Variants in PRKG2 observed in about 807,000 individuals in gnomAD.
PRKG2 encodes the protein protein kinase cGMP-dependent 2.
Under a neutral mutation model 97.2 loss-of-function variants are expected in PRKG2, and 33 were observed. That is an observed-to-expected ratio of 0.34 (90% confidence interval 0.26 to 0.45). The LOEUF (loss-of-function observed/expected upper bound fraction) is 0.45. Ranked by LOEUF, PRKG2 falls within the 20% of genes least tolerant of loss-of-function variation. PRKG2 has a pLI of 1.00. For synonymous variants in PRKG2, 330 were observed against 321.8 expected, an observed-to-expected ratio of 1.03 and a Z score of -0.27; for missense variants, 638 against 900.0, an observed-to-expected ratio of 0.71 and a Z score of 3.73.
At chr4:81,210,076 T>C (rs561683358) in intron 1 of PRKG2, among the ~76,000 whole-genome samples, 1 of 152,064 alleles carries the variant, frequency 6.6e-6, no homozygotes, top group East Asian at 1.9e-4. Flanking sequence ...TTCACAAAAA[T>C]TAGCTTAAAA....
At chr4:81,147,423 T>C (rs1747962385) in intron 9 of PRKG2, among the ~76,000 whole-genome samples, 1 of 152,176 alleles carries the variant, frequency 6.6e-6, no homozygotes. Context: ...CATCCAAAGA[T>C]TACCTTTATC....
At chr4:81,207,032 A>G (rs1753718569) in intron 1 of PRKG2, among the ~76,000 whole-genome samples, 1 of 152,176 alleles carries the variant, frequency 6.6e-6, no homozygotes, top group African/African-American at 2.4e-5. Flanking sequence ...GTTTCTGTTG[A>G]CTTGGCAGCA....
intron 7 of PRKG2, 105 bp from the exon 8 acceptor site, chr4:81,152,159 AG>A (rs1322424032): frequency 2.2e-5 from 18 of 818,132 alleles, no homozygotes; most frequent in Non-Finnish European, 2.3e-5. Flanking sequence ...AACTTGGACA[AG>A]GAAAAAGACA....
At chr4:81,150,168 A>T (rs1449956379) in intron 8 of PRKG2, among the ~76,000 whole-genome samples, 1 of 152,172 alleles carries the variant, frequency 6.6e-6, no homozygotes, top group Non-Finnish European at 1.5e-5. Context: ...CACAGACATG[A>T]TCTTGATTGT....
At position 81,158,139 on chromosome 4, in the gene PRKG2, T is replaced by G. The variant is rs1363693940; in HGVS notation, c.913-4418A>C. On this transcript the variant is annotated intron_variant, in intron 6 of 18. Transcript: ENST00000264399. ...CAATTAGGAAAAGAGGAAGTCAAATTGTCCCTGTTTGCAGACGATATGATT... is the reference window on the plus strand; with the variant it reads ...CAATTAGGAAAAGAGGAAGTCAAATGGTCCCTGTTTGCAGACGATATGATT... Among the ~76,000 whole-genome samples the G allele has an allele frequency of 2.1e-5, 3 of 145,766 alleles. 1 individual carries two copies.
chr4:81,134,517 G>A (rs1438625291), intron 14 of PRKG2, among the ~76,000 whole-genome samples: 1 of 152,104 alleles, frequency 6.6e-6, no homozygotes, highest in African/African-American at 2.4e-5. Context: ...CCTCAGTTGT[G>A]ACTGTCCAGT....
intron 6 of PRKG2, among the ~76,000 whole-genome samples, chr4:81,160,142 T>C (rs938203875): frequency 6.6e-6 from 1 of 151,954 alleles, no homozygotes; most frequent in East Asian, 1.9e-4. Flanking sequence ...AATAAAAAGA[T>C]AATGTAAGAT....
At chr4:81,212,560 T>C (rs923931858) in intron 1 of PRKG2, among the ~76,000 whole-genome samples, 8 of 152,144 alleles carry the variant, frequency 5.3e-5, no homozygotes, top group East Asian at 1.9e-4. Flanking sequence ...ATTTGAGGGA[T>C]AGGACAGTGA....
At chr4:81,104,547 T>C (rs1173782764) in intron 16 of PRKG2, 115 bp from the exon 17 acceptor site, 3 of 459,882 alleles carry the variant, frequency 6.5e-6, no homozygotes, top group Non-Finnish European at 9.7e-6. Flanking sequence ...AATTCATTCA[T>C]TCATTAAAAA....
chr4:81,115,345 T>C (rs1047194362), intron 14 of PRKG2, among the ~76,000 whole-genome samples: 1 of 152,210 alleles, frequency 6.6e-6, no homozygotes, highest in Non-Finnish European at 1.5e-5. Context: ...CCTCCACTAA[T>C]AGTTTGAGTT....
chr4:81,168,702 G>A (rs1215535013), intron 5 of PRKG2, among the ~76,000 whole-genome samples: 2 of 152,058 alleles, frequency 1.3e-5, no homozygotes, highest in Non-Finnish European at 2.9e-5. Flanking sequence ...GCAGCTCTCT[G>A]CCAGGAGACA....
chr4:81,106,323 C>T (rs1289445998), intron 15 of PRKG2, among the ~76,000 whole-genome samples: 1 of 152,136 alleles, frequency 6.6e-6, no homozygotes, highest in African/African-American at 2.4e-5. Context: ...CTACCTATGG[C>T]AGACAGTTCT....
At chr4:81,212,921 A>G (rs1371003313) in intron 1 of PRKG2, among the ~76,000 whole-genome samples, 2 of 152,206 alleles carry the variant, frequency 1.3e-5, no homozygotes, top group Non-Finnish European at 2.9e-5. Flanking sequence ...CTAATGTAGT[A>G]ATTAAATGGA....
chr4:81,168,048 A>C (rs1308900742), intron 5 of PRKG2, among the ~76,000 whole-genome samples: 2 of 152,000 alleles, frequency 1.3e-5, no homozygotes, highest in Non-Finnish European at 2.9e-5. Context: ...AAATAAAAAA[A>C]ATACTGTATA....
intron 14 of PRKG2, among the ~76,000 whole-genome samples, chr4:81,110,994 A>G (rs970356059): frequency 1.3e-5 from 2 of 152,008 alleles, no homozygotes; most frequent in African/African-American, 4.8e-5. Flanking sequence ...AAGTGGTATT[A>G]TTTGGGAAGA....
At chr4:81,113,736 C>T (rs949175864) in intron 14 of PRKG2, among the ~76,000 whole-genome samples, 1 of 152,062 alleles carries the variant, frequency 6.6e-6, no homozygotes, top group Non-Finnish European at 1.5e-5. Context: ...AGATGATTCA[C>T]GGTGACATGC....
chr4:81,162,402 G>A (rs150352435), intron 6 of PRKG2, among the ~76,000 whole-genome samples: 3 of 152,196 alleles, frequency 2.0e-5, no homozygotes, highest in East Asian at 1.9e-4. Flanking sequence ...TCCACACCAA[G>A]CCCATGCATG....
At chr4:81,099,512 A>G (rs1578332858) in intron 17 of PRKG2, among the ~76,000 whole-genome samples, 1 of 152,218 alleles carries the variant, frequency 6.6e-6, no homozygotes, top group Middle Eastern at 3.4e-3. Context: ...AAATTCAACA[A>G]CGCTTCATGC....
Position 81,087,921 on chromosome 4 carries a change from C to A in PRKG2, c.*1787G>T, listed in dbSNP as rs1277573986. On this transcript the variant is annotated 3_prime_UTR_variant, in exon 19 of 19. Coordinates refer to ENST00000264399, the MANE Select transcript of PRKG2 (RefSeq NM_006259.3). Reference sequence around the variant, plus strand: ...TTGATCTGCTTTGAGAATATCATTCCTATTATAACTGTATAGTTCTAATAT... The same window carrying A: ...TTGATCTGCTTTGAGAATATCATTCATATTATAACTGTATAGTTCTAATAT... The A allele has an allele frequency of 6.6e-6, 1 of 152,030 alleles. No individual in the cohort carries two copies. 9.4% of individuals were successfully genotyped at this position (152,030 alleles called of 1,614,324 possible). A position where few individuals can be genotyped will look rare whatever the true frequency, so the allele number is the denominator to read the frequency against.
Sources: gnomAD v4.1 joint callset for allele counts (sites outside exome capture counted in the v4.1 genomes callset) on GRCh38, gnomAD v4.1.1 for gene constraint, MANE v1.5 for transcripts, NCBI Gene and HGNC (gene_info 2026-07-23, HGNC 2026-07-21) for gene names.